DCDC2C: variants seen among roughly 807,000 people sequenced by gnomAD.
DCDC2C encodes doublecortin domain-containing protein 2C.
Under a neutral mutation model 45.0 loss-of-function variants are expected in DCDC2C, and 44 were observed. The observed-to-expected ratio is 0.98, with a 90% CI of 0.77 to 1.26. The LOEUF (loss-of-function observed/expected upper bound fraction) is 1.26, where lower values mean the gene tolerates loss of function less well. Ranked by LOEUF, DCDC2C falls within the 50% of genes most tolerant of loss-of-function variation. DCDC2C has a pLI of 0.00. For missense variants in DCDC2C, 447 were observed against 468.9 expected, an observed-to-expected ratio of 0.95 and a Z score of 0.43; for synonymous variants, 187 against 178.8, an observed-to-expected ratio of 1.05 and a Z score of -0.37.
intron 2 of DCDC2C, among the ~76,000 whole-genome samples, chr2:3,714,207 T>A (rs1668291594): frequency 6.6e-6 from 1 of 152,220 alleles, no homozygotes; most frequent in Admixed American, 6.5e-5. Context: ...ATAATATACA[T>A]TTAATATTGT....
chr2:3,729,873 C>T (rs11893098), intron 3 of DCDC2C, among the ~76,000 whole-genome samples: 19,485 of 151,948 alleles, frequency 0.13, 1,383 homozygotes, highest in Admixed American at 0.17. Flanking sequence ...TGCTGCTGGA[C>T]GCATGCTAGA....
At chr2:3,725,526 GAAGACGAGCAGAGA>G (rs1668633263) in intron 2 of DCDC2C, among the ~76,000 whole-genome samples, 1 of 102,918 alleles carries the variant, frequency 9.7e-6, no homozygotes, top group Non-Finnish European at 2.1e-5. Context: ...GATCCCAGAG[GAAGACGAGCAGAGA>G]GGGAGGAGGC....
chr2:3,831,952 C>T (rs1277709507), intron 10 of DCDC2C, among the ~76,000 whole-genome samples: 1 of 152,206 alleles, frequency 6.6e-6, no homozygotes, highest in Non-Finnish European at 1.5e-5. Flanking sequence ...TCTGGACTTT[C>T]CTTGAGTTCC....
intron 10 of DCDC2C, among the ~76,000 whole-genome samples, chr2:3,815,512 A>G (rs1671533304): frequency 6.6e-6 from 1 of 152,054 alleles, no homozygotes. Flanking sequence ...ACTTTTTGCA[A>G]ATTCTTTGGG....
intron 2 of DCDC2C, among the ~76,000 whole-genome samples, chr2:3,725,072 G>A (rs1180303957): frequency 1.3e-5 from 2 of 152,130 alleles, no homozygotes; most frequent in Admixed American, 6.5e-5. Context: ...ACAGGTTCAG[G>A]CCCCCGACCT....
At chr2:3,820,913 C>T (rs1196185613) in intron 10 of DCDC2C, among the ~76,000 whole-genome samples, 1 of 152,160 alleles carries the variant, frequency 6.6e-6, no homozygotes, top group Non-Finnish European at 1.5e-5. Context: ...GACCAGTCTC[C>T]AGAAGGAGTC....
At chr2:3,768,024 C>G (rs920027705) in intron 7 of DCDC2C, 144 bp downstream of exon 7, 1 of 975,470 alleles carries the variant, frequency 1.0e-6, no homozygotes, top group African/African-American at 1.7e-5. Context: ...AAAGGTTCAG[C>G]TTGTAGGTAG....
At chr2:3,769,781 A>G (rs1670115510) in intron 8 of DCDC2C, among the ~76,000 whole-genome samples, 1 of 152,068 alleles carries the variant, frequency 6.6e-6, no homozygotes, top group East Asian at 1.9e-4. Flanking sequence ...GGCATGGAGG[A>G]GGCCTTAGTA....
intron 3 of DCDC2C, among the ~76,000 whole-genome samples, chr2:3,740,801 A>C (rs1413976393): frequency 1.3e-5 from 2 of 151,792 alleles, no homozygotes; most frequent in Non-Finnish European, 2.9e-5. Context: ...TTATGGTGAC[A>C]AACATATTAA....
intron 3 of DCDC2C, among the ~76,000 whole-genome samples, chr2:3,731,771 A>G (rs1430128070): frequency 4.6e-5 from 7 of 152,160 alleles, no homozygotes; most frequent in Non-Finnish European, 5.9e-5. Flanking sequence ...CAGACAGGCT[A>G]TGTCTATTAG....
chr2:3,706,928 C>T (rs73140855), intron 1 of DCDC2C, among the ~76,000 whole-genome samples: 2,943 of 152,320 alleles, frequency 0.019, 102 homozygotes, highest in African/African-American at 0.066. Context: ...AGCAGGCTGG[C>T]TTCACATCCA....
intron 2 of DCDC2C, among the ~76,000 whole-genome samples, chr2:3,721,831 T>C (rs1182291111): frequency 6.6e-6 from 1 of 152,222 alleles, no homozygotes; most frequent in Non-Finnish European, 1.5e-5. Flanking sequence ...GCACAAGCTC[T>C]CTTTGCCTGT....
chr2:3,754,737 A>G lies in DCDC2C; in HGVS notation c.726+103A>G, dbSNP rs1669642592. ...GGGTGACGGCCCGAGCTGTAAACAG[A>G]GCATCAGTGCCAGGGCCTGGGCCAG... On this transcript the variant is annotated intron_variant, in intron 6 of 10. Coordinates refer to ENST00000399143, the MANE Select transcript of DCDC2C (RefSeq NM_001287444.2). The G allele has an allele frequency of 3.0e-6, 3 of 985,168 alleles. No individual in the cohort carries two copies. The South Asian group carries it at 4.8e-5, about 16-fold the overall frequency. 61.0% of individuals were successfully genotyped at this position (985,168 alleles called of 1,614,324 possible).
chr2:3,731,336 G>A (rs1275749504), intron 3 of DCDC2C, among the ~76,000 whole-genome samples: 4 of 152,164 alleles, frequency 2.6e-5, no homozygotes, highest in Admixed American at 6.5e-5. Flanking sequence ...TCTCCTTTGC[G>A]AAGTTTGTCA....
At chr2:3,826,752 C>T (rs1671826997) in intron 10 of DCDC2C, among the ~76,000 whole-genome samples, 1 of 152,002 alleles carries the variant, frequency 6.6e-6, no homozygotes, top group Non-Finnish European at 1.5e-5. Flanking sequence ...TGATTTAGTC[C>T]CCCAAATAAA....
rs1558564590 is a variant in DCDC2C at position 3,725,499 on chromosome 2, GAGGAGGCTGCCCGGTGGATCCCAGAGGA to G, written c.340-1501_340-1474del. Among the ~76,000 whole-genome samples, 137 of 94,460 alleles carry G rather than the reference GAGGAGGCTGCCCGGTGGATCCCAGAGGA, an allele frequency of 1.5e-3. 1 individual carries two copies. Among genetic ancestry groups the G allele is most frequent in the South Asian group, 2.0e-3 (4 of 1,962 alleles). 62.0% of individuals were successfully genotyped at this position (94,460 alleles called of 152,430 possible). ...TCCCAGAGGAAGACGAGCAGAGAGGGAGGAGGCTGCCCGGTGGATCCCAGAGGAAGACGAGCAGAGAGGGAGGAGGCTG... is the reference window on the plus strand; with the variant it reads ...TCCCAGAGGAAGACGAGCAGAGAGGGAGACGAGCAGAGAGGGAGGAGGCTG... On this transcript the variant is annotated intron_variant, in intron 2 of 10. Transcript: ENST00000399143.
Position 3,826,902 on chromosome 2 carries a change from C to T in DCDC2C, c.1066-20252C>T, listed in dbSNP as rs117940184. 5.1e-4 allele frequency among the ~76,000 whole-genome samples: 77 copies of T among 152,140 alleles called. No homozygotes were observed. The East Asian group carries it at 7.7e-3, about 15-fold the overall frequency. ...GCCTTCCTCCCTCCTTCCCTCTCTC[C>T]GTCCCTCCATCCCTCCCTCCCCTGC... is the stretch of plus-strand genomic sequence containing the variant. On this transcript the variant is annotated intron_variant, in intron 10 of 10. Transcript: ENST00000399143.
Position 3,818,630 on chromosome 2 carries a change from A to T in DCDC2C, c.1066-28524A>T, listed in dbSNP as rs1320993063. On this transcript the variant is annotated intron_variant, in intron 10 of 10. Transcript: ENST00000399143. The surrounding 1 kb of genome is among the most constrained non-coding windows in gnomAD (Gnocchi z 4.7). Reference sequence around the variant, plus strand: ...GTGGTAACAGGCTTTAATCCTTTTAAAGCTTGCTGTGGGATGGGATATTGG... The same window carrying T: ...GTGGTAACAGGCTTTAATCCTTTTATAGCTTGCTGTGGGATGGGATATTGG... 6.6e-6 allele frequency among the ~76,000 whole-genome samples: 1 copy of T among 152,122 alleles called. No individual in the cohort carries two copies. The highest frequency in any genetic ancestry group is 1.5e-5 in the Non-Finnish European group (1 of 68,030).
At chr2:3,828,531 T>C (rs1291180679) in intron 10 of DCDC2C, among the ~76,000 whole-genome samples, 2 of 152,198 alleles carry the variant, frequency 1.3e-5, no homozygotes, top group African/African-American at 4.8e-5. Flanking sequence ...CTTCAAAGTC[T>C]CTGAGCCGTT....
Sources: gnomAD v4.1 joint callset for allele counts (sites outside exome capture counted in the v4.1 genomes callset) on GRCh38, gnomAD v4.1.1 for gene constraint, Gnocchi (gnomAD v3.1) non-coding constraint, MANE v1.5 for transcripts, NCBI Gene and HGNC (gene_info 2026-07-23, HGNC 2026-07-21) for gene names.